Variants in GLIS3 observed in about 807,000 individuals in gnomAD.
GLIS3 encodes GLIS family zinc finger 3.
Under a neutral mutation model 78.6 loss-of-function variants are expected in GLIS3, and 53 were observed. The observed-to-expected ratio is 0.67, with a 90% CI of 0.54 to 0.85. The LOEUF is 0.85. Among genes scored for constraint, GLIS3 ranks in the 40% least tolerant of loss-of-function variants. The pLI, the probability that GLIS3 is intolerant of heterozygous loss-of-function variation, is 0.00. For synonymous variants in GLIS3, 684 were observed against 509.9 expected, an observed-to-expected ratio of 1.34 and a Z score of -4.60; for missense variants, 1,703 against 1,231.1, an observed-to-expected ratio of 1.38 and a Z score of -5.74.
At chr9:4,386,107 T>C in the GLIS3 span, among the ~76,000 whole-genome samples, 1 of 152,206 alleles carries the variant, frequency 6.6e-6, no homozygotes, top group Admixed American at 6.5e-5. Flanking sequence ...GATTATTCCC[T>C]TTATTGTAAC....
At chr9:3,896,510 C>T (rs764303986) in intron 7 of GLIS3, among the ~76,000 whole-genome samples, 16 of 150,966 alleles carry the variant, frequency 1.1e-4, no homozygotes, top group Non-Finnish European at 1.5e-4. Context: ...ACTAAAAATA[C>T]AAAAAACTAC....
chr9:4,246,096 G>C (rs1480577911), intron 2 of GLIS3, among the ~76,000 whole-genome samples: 1 of 152,048 alleles, frequency 6.6e-6, no homozygotes, highest in Non-Finnish European at 1.5e-5. Flanking sequence ...CCTATTTCAG[G>C]CCAGGCACGG....
chr9:4,490,125 C>T, the GLIS3 span, among the ~76,000 whole-genome samples: 1 of 152,204 alleles, frequency 6.6e-6, no homozygotes, highest in African/African-American at 2.4e-5. Flanking sequence ...GAGAGGGAGA[C>T]GTGCAGGATG....
chr9:4,468,565 C>T, the GLIS3 span, among the ~76,000 whole-genome samples: 1 of 152,164 alleles, frequency 6.6e-6, no homozygotes, highest in African/African-American at 2.4e-5. Context: ...AAATAAAATA[C>T]TTTACAGAAA....
chr9:3,911,832 C>G (rs568744589), intron 6 of GLIS3, among the ~76,000 whole-genome samples: 3 of 152,142 alleles, frequency 2.0e-5, no homozygotes, highest in African/African-American at 7.2e-5. Context: ...GCTGCCATTT[C>G]TATTATTATT....
chr9:4,126,159 G>A (rs1481248818), intron 2 of GLIS3, among the ~76,000 whole-genome samples: 4 of 152,032 alleles, frequency 2.6e-5, no homozygotes, highest in Non-Finnish European at 5.9e-5. Flanking sequence ...CATACAAAAT[G>A]TGCTTAAATT....
intron 2 of GLIS3, among the ~76,000 whole-genome samples, chr9:4,182,179 T>C (rs1817389525): frequency 6.6e-6 from 1 of 152,186 alleles, no homozygotes; most frequent in Non-Finnish European, 1.5e-5. Context: ...TTCATTTTGA[T>C]CTGAGTTTTC....
At chr9:4,234,836 A>G (rs1051110818) in intron 2 of GLIS3, among the ~76,000 whole-genome samples, 2 of 152,210 alleles carry the variant, frequency 1.3e-5, no homozygotes, top group African/African-American at 4.8e-5. Context: ...TCATGCAACT[A>G]TTTCAGAAAA....
chr9:4,238,064 G>T (rs895813895), intron 2 of GLIS3, among the ~76,000 whole-genome samples: 1 of 152,146 alleles, frequency 6.6e-6, no homozygotes, highest in Non-Finnish European at 1.5e-5. Flanking sequence ...TTGCCACCCT[G>T]TCCTGCTTCT....
the GLIS3 span, among the ~76,000 whole-genome samples, chr9:4,390,717 C>T: frequency 6.6e-6 from 1 of 152,112 alleles, no homozygotes; most frequent in Non-Finnish European, 1.5e-5. Context: ...TCTTCCCCAC[C>T]CAGTAGTCCA....
chr9:3,833,345 C>CCAA (rs1330365916), intron 9 of GLIS3, among the ~76,000 whole-genome samples: 5 of 152,296 alleles, frequency 3.3e-5, no homozygotes, highest in Non-Finnish European at 5.9e-5. Flanking sequence ...TTTTCACAAA[C>CCAA]CAACACTTTT....
At chr9:4,108,855 G>T (rs1273369341) in intron 4 of GLIS3, among the ~76,000 whole-genome samples, 1 of 152,118 alleles carries the variant, frequency 6.6e-6, no homozygotes, top group African/African-American at 2.4e-5. Flanking sequence ...CCACTGACCT[G>T]GGCCTTCAGC....
At chr9:4,145,959 C>T (rs775047514) in intron 2 of GLIS3, among the ~76,000 whole-genome samples, 1 of 152,110 alleles carries the variant, frequency 6.6e-6, no homozygotes, top group African/African-American at 2.4e-5. Context: ...CAAAAAAGTA[C>T]AAATCTGAAA....
At chr9:4,189,694 T>C (rs1818149538) in intron 2 of GLIS3, among the ~76,000 whole-genome samples, 1 of 152,214 alleles carries the variant, frequency 6.6e-6, no homozygotes. Context: ...TGGGTGCATA[T>C]ATATTTAGGA....
At chr9:4,119,706 T>C (rs1166105763) in intron 3 of GLIS3, among the ~76,000 whole-genome samples, 1 of 152,220 alleles carries the variant, frequency 6.6e-6, no homozygotes, top group African/African-American at 2.4e-5. Flanking sequence ...TTTCTGTAAT[T>C]GACTTTTGCA....
At chr9:4,450,603 G>A in the GLIS3 span, among the ~76,000 whole-genome samples, 2 of 152,294 alleles carry the variant, frequency 1.3e-5, no homozygotes, top group Non-Finnish European at 2.9e-5. Context: ...AGAGAGAAAG[G>A]TCAGGTTACC....
At chr9:4,170,129 G>A (rs1283316584) in intron 2 of GLIS3, among the ~76,000 whole-genome samples, 1 of 152,122 alleles carries the variant, frequency 6.6e-6, no homozygotes, top group Non-Finnish European at 1.5e-5. Context: ...CCTTCAAAAA[G>A]GCTGAAGTGA....
At chr9:3,849,239 T>C (rs1264517413) in intron 9 of GLIS3, among the ~76,000 whole-genome samples, 1 of 152,104 alleles carries the variant, frequency 6.6e-6, no homozygotes, top group Non-Finnish European at 1.5e-5. Flanking sequence ...AGGATATGAA[T>C]GAATCTGTCT....
chr9:4,162,645 G>A (rs930086291), intron 2 of GLIS3, among the ~76,000 whole-genome samples: 2 of 151,846 alleles, frequency 1.3e-5, no homozygotes, highest in African/African-American at 4.8e-5. Flanking sequence ...AGATCACGAG[G>A]TCAGATCGAG....
Sources: gnomAD v4.1 joint callset for allele counts (sites outside exome capture counted in the v4.1 genomes callset) on GRCh38, gnomAD v4.1.1 for gene constraint, MANE v1.5 for transcripts, NCBI Gene and HGNC (gene_info 2026-07-23, HGNC 2026-07-21) for gene names.